The following GGA2 variants were observed in gnomAD, a reference collection of about 807,000 sequenced individuals.
GGA2 encodes the protein golgi associated, gamma adaptin ear containing, ARF binding protein 2, also known as ADP-ribosylation factor-binding protein GGA2.
A neutral mutation model predicts 79.5 loss-of-function variants in GGA2; 48 were observed. That is an observed-to-expected ratio of 0.60 (90% CI 0.48 to 0.77). GGA2 has a LOEUF of 0.77. GGA2 is among the 30% of genes least tolerant of loss of function. GGA2 has a pLI of 0.00. For synonymous variants in GGA2, 317 were observed against 302.0 expected (o/e 1.05, Z -0.51); for missense variants, 770 against 774.0 (o/e 0.99, Z 0.06).
At chr16:23,523,516 G>A (rs1455810594), upstream of GGA2, 1 of 152,212 alleles carries the variant, frequency 6.6e-6, no homozygotes, top group Non-Finnish European at 1.5e-5. Context: ...CTTACCCTTG[G>A]CAGTGGAGTC....
At chr16:23,500,732 T>C (rs1964912128) in intron 1 of GGA2, among the ~76,000 whole-genome samples, 1 of 152,248 alleles carries the variant, frequency 6.6e-6, no homozygotes, top group Non-Finnish European at 1.5e-5. Flanking sequence ...GAGGTGGCAG[T>C]AGCGCCACAC....
chr16:23,512,463 A>G (rs1451776750), upstream of GGA2, among the ~76,000 whole-genome samples: 1 of 152,170 alleles, frequency 6.6e-6, no homozygotes, highest in Non-Finnish European at 1.5e-5. Context: ...ATAGGTACGT[A>G]TGCCATACAG....
At chr16:23,493,325 C>A (rs199739748) in intron 4 of GGA2, 35 bp downstream of exon 4, 1 of 1,242,000 alleles carries the variant, frequency 8.1e-7, no homozygotes, top group African/African-American at 1.5e-5. Flanking sequence ...GGCGTAGGTG[C>A]GACACAGTCA....
intron 16 of GGA2, 78 bp downstream of exon 16, chr16:23,468,808 T>C (rs964362662): frequency 1.9e-5 from 15 of 805,240 alleles, no homozygotes; most frequent in African/African-American, 3.3e-5. Flanking sequence ...TCAATGTGCC[T>C]CTCTCTACCC....
At chr16:23,509,781 T>G (rs115026600) in intron 1 of GGA2, among the ~76,000 whole-genome samples, 2,057 of 149,092 alleles carry the variant, frequency 0.014, 53 homozygotes, top group African/African-American at 0.048. Flanking sequence ...CACACGTGTG[T>G]GTGTGTTTAA....
intron 9 of GGA2, among the ~76,000 whole-genome samples, chr16:23,482,120 C>T (rs1484997510): frequency 6.6e-6 from 1 of 152,126 alleles, no homozygotes; most frequent in African/African-American, 2.4e-5. Context: ...CAAAATTAGC[C>T]AGGCGTGATG....
chr16:23,506,473 A>G (rs1447415903), intron 1 of GGA2, among the ~76,000 whole-genome samples: 2 of 152,156 alleles, frequency 1.3e-5, no homozygotes, highest in Non-Finnish European at 2.9e-5. Flanking sequence ...GATGGGTAGG[A>G]GTGATCCCAT....
At chr16:23,491,968 T>G (rs1205038323) in intron 4 of GGA2, among the ~76,000 whole-genome samples, 168 bp from the exon 5 acceptor site, 2 of 152,046 alleles carry the variant, frequency 1.3e-5, no homozygotes, top group Non-Finnish European at 2.9e-5. Flanking sequence ...CCGGAGCCCT[T>G]CCTGGGATTC....
At chr16:23,508,092 T>C (rs1964993682) in intron 1 of GGA2, among the ~76,000 whole-genome samples, 1 of 150,214 alleles carries the variant, frequency 6.7e-6, no homozygotes, top group Non-Finnish European at 1.5e-5. Context: ...AGACAGAATC[T>C]CGCCTTGTCA....
At chr16:23,521,739 A>T (rs1965144505) in intron 1 of GGA2, 2 of 455,886 alleles carry the variant, frequency 4.4e-6, no homozygotes. Context: ...CATGTTGTAG[A>T]TATACCAGAA....
intron 2 of GGA2, among the ~76,000 whole-genome samples, chr16:23,516,076 C>T (rs1374108093): frequency 1.3e-5 from 2 of 151,444 alleles, no homozygotes; most frequent in Non-Finnish European, 2.9e-5. Context: ...GGTACAATCA[C>T]AGCCCACTGC....
Position 23,494,357 on chromosome 16 carries a change from T to G in GGA2, c.198A>C (p.Leu66=). Residue 66 remains leucine, a synonymous_variant, in exon 3 of 17, where the codon CTA becomes CTC. Transcript: ENST00000309859. ...DPNGPTHAPW[L]LAHKIQSPQE... is the part of the protein sequence containing the mutation. ...GCGGAGACTGGATCTTGTGGGCCAG[T>G]AGCCAGGGCGCATGTGTGGGGCTAC... The G allele has an allele frequency of 6.2e-7, 1 of 1,612,770 alleles. No individual in the cohort carries two copies. Among genetic ancestry groups the G allele is most frequent in the South Asian group, 1.1e-5 (1 of 91,078 alleles).
intron 2 of GGA2, among the ~76,000 whole-genome samples, chr16:23,516,800 A>C (rs1262669044): frequency 3.3e-5 from 5 of 151,992 alleles, no homozygotes; most frequent in Non-Finnish European, 7.4e-5. Flanking sequence ...ATGGCTAAAA[A>C]TTTGGAAGTT....
chr16:23,483,226 A>T (rs1964671456), intron 8 of GGA2, among the ~76,000 whole-genome samples: 1 of 152,030 alleles, frequency 6.6e-6, no homozygotes, highest in African/African-American at 2.4e-5. Flanking sequence ...AAATAATCTG[A>T]CCGGGCAGGG....
At chr16:23,508,063 C>T (rs1964992965) in intron 1 of GGA2, among the ~76,000 whole-genome samples, 1 of 138,420 alleles carries the variant, frequency 7.2e-6, no homozygotes, top group African/African-American at 2.6e-5. Context: ...ACTCCGGCTA[C>T]TTTTTTTTTT....
At chr16:23,491,318 A>C (rs1165278665) in intron 5 of GGA2, among the ~76,000 whole-genome samples, 2 of 151,438 alleles carry the variant, frequency 1.3e-5, no homozygotes, top group African/African-American at 4.8e-5. Flanking sequence ...AAAAAAAAAA[A>C]AAAAAAAAAA....
chr16:23,500,578 G>A (rs1964909937), intron 1 of GGA2, among the ~76,000 whole-genome samples: 2 of 152,370 alleles, frequency 1.3e-5, no homozygotes, highest in South Asian at 4.1e-4. Context: ...CTATGAGGCA[G>A]CGTCAAGCAA....
chr16:23,494,487 A>G, intron 2 of GGA2, 109 bp from the exon 3 acceptor site: 1 of 797,444 alleles, frequency 1.3e-6, no homozygotes, highest in Non-Finnish European at 2.2e-6. Flanking sequence ...GGTGTCCAAA[A>G]GCAGAGGTGG....
chr16:23,504,600 C>T (rs1163589009), intron 1 of GGA2, among the ~76,000 whole-genome samples: 1 of 152,188 alleles, frequency 6.6e-6, no homozygotes, highest in East Asian at 1.9e-4. Flanking sequence ...CAAAAAATGA[C>T]CCCCAGGGGG....
Sources: gnomAD v4.1 joint callset for allele counts (sites outside exome capture counted in the v4.1 genomes callset) on GRCh38, gnomAD v4.1.1 for gene constraint, MANE v1.5 for transcripts, NCBI Gene and HGNC (gene_info 2026-07-23, HGNC 2026-07-21) for gene names.